Variants in NDST1 observed in about 807,000 individuals in gnomAD.
NDST1 encodes the protein bifunctional heparan sulfate N-deacetylase/N-sulfotransferase 1.
A neutral mutation model predicts 92.8 loss-of-function variants in NDST1; 35 were observed. The observed-to-expected ratio is 0.38, with a 90% CI of 0.29 to 0.50. NDST1 has a LOEUF of 0.50. Ranked by LOEUF, NDST1 falls within the 20% of genes least tolerant of loss-of-function variation. The probability of loss-of-function intolerance (pLI) is 0.94; values close to 1 mark genes in which losing one functional copy is unlikely to be tolerated. For missense variants in NDST1, 822 were observed against 1,182.7 expected (o/e 0.69, Z 4.47); for synonymous variants, 493 against 500.3 (o/e 0.99, Z 0.19).
chr5:150,543,001 C>A (rs140174121), intron 10 of NDST1, 30 bp downstream of exon 10: 1 of 1,613,112 alleles, frequency 6.2e-7, no homozygotes, highest in Non-Finnish European at 8.5e-7. Context: ...CACAGCGGGA[C>A]GGGAAGGCCA....
Position 150,553,419 on chromosome 5 carries a change from GACCAGGGCAGC to G in NDST1, c.*88_*98del. On this transcript the variant is annotated 3_prime_UTR_variant, in exon 15 of 15. Transcript: ENST00000261797. This position sits in a 1 kb window ranked among gnomAD's most constrained non-coding sequence, Gnocchi z 4.2. ...GCCAGACCTGCAGAGTGGGAAGCTG[GACCAGGGCAGC>G]TGCGCACTTATGAGCAATACTCTGT... 1 of 1,541,342 alleles carries G rather than the reference GACCAGGGCAGC, an allele frequency of 6.5e-7. No individual in the cohort carries two copies. Among genetic ancestry groups the G allele is most frequent in the South Asian group, 1.1e-5 (1 of 89,304 alleles).
chr5:150,498,642 C>T (rs575362490), intron 1 of NDST1, among the ~76,000 whole-genome samples: 8 of 152,302 alleles, frequency 5.3e-5, no homozygotes, highest in Non-Finnish European at 1.2e-4. Context: ...AGGCAGGGCA[C>T]GATTCTCAAC....
intron 6 of NDST1, among the ~76,000 whole-genome samples, chr5:150,537,916 G>A (rs1456874785): frequency 6.6e-6 from 1 of 152,164 alleles, no homozygotes; most frequent in Non-Finnish European, 1.5e-5. Flanking sequence ...AATAGAAAAG[G>A]ACCCATGCTG....
At chr5:150,515,713 C>T (rs756882794) in intron 1 of NDST1, among the ~76,000 whole-genome samples, 1 of 152,176 alleles carries the variant, frequency 6.6e-6, no homozygotes, top group Non-Finnish European at 1.5e-5. Flanking sequence ...GCCCAGCAGG[C>T]CCAGGGTGGT....
At chr5:150,533,212 G>T (rs1754825192) in intron 4 of NDST1, among the ~76,000 whole-genome samples, 180 bp downstream of exon 4, 1 of 152,220 alleles carries the variant, frequency 6.6e-6, no homozygotes, top group South Asian at 2.1e-4. Context: ...CCAGGCAGAG[G>T]CCATCTGGGG....
At chr5:150,526,041 C>T (rs1310357391) in intron 2 of NDST1, among the ~76,000 whole-genome samples, 9 of 152,244 alleles carry the variant, frequency 5.9e-5, no homozygotes. Flanking sequence ...CTTGGTCACT[C>T]TGCTGTCTTC....
chr5:150,543,551 T>C (rs1392455048), intron 10 of NDST1, among the ~76,000 whole-genome samples: 1 of 152,230 alleles, frequency 6.6e-6, no homozygotes, highest in Non-Finnish European at 1.5e-5. Context: ...GGCATCTTTC[T>C]CTATTTGCCT....
At chr5:150,547,418 G>A (rs1210037899) in intron 11 of NDST1, among the ~76,000 whole-genome samples, 1 of 152,186 alleles carries the variant, frequency 6.6e-6, no homozygotes, top group Non-Finnish European at 1.5e-5. Flanking sequence ...GGGGGATAGT[G>A]CCTGTCGCAC....
Position 150,525,662 on chromosome 5 carries a change from A to T in NDST1, c.514-2142A>T, listed in dbSNP as rs569918974. On this transcript the variant is annotated intron_variant, in intron 2 of 14. Coordinates refer to ENST00000261797, the MANE Select transcript of NDST1 (RefSeq NM_001543.5). ...GGTTTACAAGGCCAGGGCCCTGCAG[A>T]GCCTTTTTGGGAATTAGAGGAGATG... Among the ~76,000 whole-genome samples, 4 of 152,268 alleles carry T rather than the reference A, an allele frequency of 2.6e-5. No individual in the cohort carries two copies. The East Asian group carries it at 7.7e-4, about 29-fold the overall frequency.
At chr5:150,510,065 G>T (rs1422874660) in intron 1 of NDST1, among the ~76,000 whole-genome samples, 2 of 151,114 alleles carry the variant, frequency 1.3e-5, no homozygotes, top group Admixed American at 6.6e-5. Context: ...GGGCTGTGGG[G>T]TGGGCTGGGA....
intron 1 of NDST1, among the ~76,000 whole-genome samples, chr5:150,515,651 A>C (rs1264987459): frequency 6.6e-6 from 1 of 152,128 alleles, no homozygotes; most frequent in East Asian, 1.9e-4. Context: ...GAGATTGGTG[A>C]CTGGCTGGGT....
chr5:150,530,000 A>G (rs974718642), intron 3 of NDST1, among the ~76,000 whole-genome samples: 1 of 152,178 alleles, frequency 6.6e-6, no homozygotes, highest in African/African-American at 2.4e-5. Context: ...TCGAGTCCTA[A>G]TTTGACCCTA....
chr5:150,500,383 A>C (rs1753177618), intron 1 of NDST1, among the ~76,000 whole-genome samples: 1 of 152,190 alleles, frequency 6.6e-6, no homozygotes, highest in South Asian at 2.1e-4. Flanking sequence ...GTGCTGGGCG[A>C]CATTAACCAT....
upstream of NDST1, among the ~76,000 whole-genome samples, chr5:150,504,370 G>A (rs542341379): frequency 7.2e-5 from 11 of 152,284 alleles, no homozygotes; most frequent in Non-Finnish European, 1.5e-4. Flanking sequence ...TCACAAGGCC[G>A]CCTCCCTCAT....
intron 1 of NDST1, among the ~76,000 whole-genome samples, chr5:150,515,210 C>T (rs999531898): frequency 6.6e-6 from 1 of 152,156 alleles, no homozygotes; most frequent in Non-Finnish European, 1.5e-5. Context: ...GATACACAGC[C>T]CATTTGAGGC....
intron 1 of NDST1, among the ~76,000 whole-genome samples, chr5:150,514,582 A>AAAT (rs200687327): frequency 6.7e-6 from 1 of 149,638 alleles, no homozygotes. Context: ...AAAAAAAAAA[A>AAAT]GTGCTTAGCA....
chr5:150,514,178 G>C (rs72805966), intron 1 of NDST1, among the ~76,000 whole-genome samples: 14,207 of 152,312 alleles, frequency 0.093, 904 homozygotes, highest in South Asian at 0.14. Flanking sequence ...CTGAACAGTT[G>C]TGTGATGTTG....
chr5:150,538,150 G>T (rs1755078136), intron 6 of NDST1, among the ~76,000 whole-genome samples: 1 of 152,196 alleles, frequency 6.6e-6, no homozygotes, highest in South Asian at 2.1e-4. Context: ...CCTGAAGCGG[G>T]CTGTGCTGGC....
At chr5:150,505,808 C>T (rs1283597040), upstream of NDST1, among the ~76,000 whole-genome samples, 1 of 152,058 alleles carries the variant, frequency 6.6e-6, no homozygotes, top group Non-Finnish European at 1.5e-5. Context: ...GAGATGGGGT[C>T]TTGCTGTATC....
Sources: gnomAD v4.1 joint callset for allele counts (sites outside exome capture counted in the v4.1 genomes callset) on GRCh38, gnomAD v4.1.1 for gene constraint, Gnocchi (gnomAD v3.1) non-coding constraint, MANE v1.5 for transcripts, NCBI Gene and HGNC (gene_info 2026-07-23, HGNC 2026-07-21) for gene names.